Variants in STARD10 observed in about 807,000 individuals in gnomAD.
STARD10 encodes the protein START domain-containing protein 10.
STARD10 carries 24 observed loss-of-function variants against 36.0 expected under a neutral mutation model. The ratio of observed to expected loss-of-function variants is 0.67; its 90% CI spans 0.48 to 0.94. The LOEUF (loss-of-function observed/expected upper bound fraction) is 0.94, where lower values mean the gene tolerates loss of function less well. Ranked by LOEUF, STARD10 falls within the 40% of genes least tolerant of loss-of-function variation. The probability of loss-of-function intolerance (pLI) is 0.00; values close to 1 mark genes in which losing one functional copy is unlikely to be tolerated. For synonymous variants in STARD10, 156 were observed against 161.9 expected, an observed-to-expected ratio of 0.96 and a Z score of 0.28; for missense variants, 335 against 396.6, an observed-to-expected ratio of 0.84 and a Z score of 1.32.
At position 72,754,918 on chromosome 11, in the gene STARD10, G is replaced by A. The variant is rs1244624340; in HGVS notation, c.855C>T (p.Asp285=). The A allele has an allele frequency of 2.5e-6, 4 of 1,600,450 alleles. No homozygotes were observed. The highest frequency in any genetic ancestry group is 2.2e-5 in the South Asian group (2 of 90,656). ...GCGCTCAGGTGAGCGAGGTGTCGTCGTCGCTGCCCTCGCCGCCCGCGCCGC... is the reference window on the plus strand; with the variant it reads ...GCGCTCAGGTGAGCGAGGTGTCGTCATCGCTGCCCTCGCCGCCCGCGCCGC... ...RMGGAGGEGS[D]DDTSLT Residue 285 remains aspartate, a synonymous_variant, in exon 7 of 7, where the codon GAC becomes GAT. Coordinates refer to ENST00000334805, the MANE Select transcript of STARD10 (RefSeq NM_006645.3).
chr11:72,790,754 G>A (rs1272805310), intron 1 of STARD10, among the ~76,000 whole-genome samples: 2 of 152,262 alleles, frequency 1.3e-5, no homozygotes, highest in Non-Finnish European at 2.9e-5. Flanking sequence ...TTGTGGGGAA[G>A]AGAATCATGT....
intron 3 of STARD10, 69 bp from the exon 4 acceptor site, chr11:72,758,702 G>C: frequency 8.7e-7 from 1 of 1,150,728 alleles, no homozygotes; most frequent in Admixed American, 2.0e-5. Context: ...GTGTGGCAGA[G>C]GCCAGAGATG....
intron 1 of STARD10, among the ~76,000 whole-genome samples, chr11:72,783,950 G>A (rs1859039289): frequency 6.6e-6 from 1 of 152,174 alleles, no homozygotes; most frequent in Non-Finnish European, 1.5e-5. Context: ...TTGGATCTTG[G>A]GTCAGTAAAG....
rs778596394 is a variant in STARD10 at position 72,755,045 on chromosome 11, G to A, written c.728C>T (p.Pro243Leu). 4 of 1,613,140 alleles carry A rather than the reference G, an allele frequency of 2.5e-6. No individual in the cohort carries two copies. The highest frequency in any genetic ancestry group is 1.1e-5 in the South Asian group (1 of 90,820). Residue 243 changes from proline to leucine, a missense_variant, in exon 7 of 7, where the codon CCG (proline) becomes CTG (leucine). Pro to Leu is a moderately conservative substitution (Grantham distance 98, BLOSUM62 -3). Transcript: ENST00000334805. ...FKPWLHPEQS[P>L]LPSLALSELS... ...CTCCGACAGCGCCAGGCTCGGCAACGGGCTCTGCTCCGGGTGCAGCCACGG... is the reference window on the plus strand; with the variant it reads ...CTCCGACAGCGCCAGGCTCGGCAACAGGCTCTGCTCCGGGTGCAGCCACGG...
chr11:72,757,690 G>T, intron 5 of STARD10, 77 bp downstream of exon 5: 1 of 1,339,794 alleles, frequency 7.5e-7, no homozygotes, highest in Non-Finnish European at 1.1e-6. Context: ...TGCCCTTCTG[G>T]ATCCCTAGTA....
At chr11:72,778,604 C>T (rs561197828) in intron 2 of STARD10, among the ~76,000 whole-genome samples, 2 of 152,310 alleles carry the variant, frequency 1.3e-5, no homozygotes. Flanking sequence ...CCTCCTCTCC[C>T]CACCCTCTCT....
In STARD10 at chr11:72,771,188, A is replaced by C. The variant is rs538965011; in HGVS notation, c.207+9787T>G. On this transcript the variant is annotated intron_variant, in intron 2 of 6. Transcript: ENST00000334805. ...TCCCTGAGACTATTCCCTCAGAACT[A>C]GGCTCTGTTCTGTGTAGGACCCAAG... Among the ~76,000 whole-genome samples the C allele has an allele frequency of 2.2e-4, 34 of 152,320 alleles. No individual in the cohort carries two copies. In the South Asian group the frequency reaches 2.5e-3, roughly 11 times the overall value.
intron 1 of STARD10, among the ~76,000 whole-genome samples, chr11:72,791,541 A>C (rs572450096): frequency 6.6e-6 from 1 of 152,118 alleles, no homozygotes; most frequent in African/African-American, 2.4e-5. Context: ...GTCTCTACTA[A>C]AAATACAAAA....
chr11:72,771,799 C>CT (rs1858861738), intron 2 of STARD10, among the ~76,000 whole-genome samples: 1 of 152,104 alleles, frequency 6.6e-6, no homozygotes, highest in South Asian at 2.1e-4. Flanking sequence ...CACTTCTATC[C>CT]TGGGGGGGCG....
At chr11:72,769,038 A>C (rs1467943663) in intron 2 of STARD10, among the ~76,000 whole-genome samples, 3 of 151,792 alleles carry the variant, frequency 2.0e-5, no homozygotes, top group African/African-American at 7.3e-5. Context: ...TCTCTATAAC[A>C]CAAGGACAAC....
intron 2 of STARD10, among the ~76,000 whole-genome samples, chr11:72,768,000 C>T (rs975758675): frequency 6.6e-6 from 1 of 152,182 alleles, no homozygotes; most frequent in Non-Finnish European, 1.5e-5. Flanking sequence ...CCACTAACCC[C>T]CAAAGGACAG....
At chr11:72,775,179 C>T (rs1273403838) in intron 2 of STARD10, among the ~76,000 whole-genome samples, 1 of 152,192 alleles carries the variant, frequency 6.6e-6, no homozygotes, top group Non-Finnish European at 1.5e-5. Context: ...CTTCACAGTG[C>T]GCACATCGCA....
chr11:72,773,818 T>C (rs538018942), intron 2 of STARD10, among the ~76,000 whole-genome samples: 1 of 152,358 alleles, frequency 6.6e-6, no homozygotes, highest in East Asian at 1.9e-4. Flanking sequence ...TGTTTGCTTC[T>C]ATTTTGCTCG....
In STARD10 at chr11:72,760,300, C is replaced by A. The variant is rs577579653; in HGVS notation, c.208-919G>T. On this transcript the variant is annotated intron_variant, in intron 2 of 6. Transcript: ENST00000334805. The stretch of plus-strand genomic sequence containing the variant: ...GGAGTACAGTGGCGTGATCTCGGCT[C>A]ACTGCAAGCTCTGCCTTCCGGTTTC... Among the ~76,000 whole-genome samples, 31 of 152,224 alleles carry A rather than the reference C, an allele frequency of 2.0e-4. No homozygotes were observed. In the East Asian group the frequency reaches 6.0e-3, roughly 29 times the overall value.
At chr11:72,756,460 T>C (rs1288932163) in intron 5 of STARD10, among the ~76,000 whole-genome samples, 1 of 152,034 alleles carries the variant, frequency 6.6e-6, no homozygotes, top group African/African-American at 2.4e-5. Flanking sequence ...AGAGAGGAAC[T>C]CACTGGGGGC....
chr11:72,772,576 T>C (rs2135619650), intron 2 of STARD10, among the ~76,000 whole-genome samples: 1 of 152,288 alleles, frequency 6.6e-6, no homozygotes. Context: ...CTCTTCTCTG[T>C]CCTCTGTGGC....
At chr11:72,766,634 T>G (rs1858795270) in intron 2 of STARD10, among the ~76,000 whole-genome samples, 1 of 151,946 alleles carries the variant, frequency 6.6e-6, no homozygotes, top group African/African-American at 2.4e-5. Flanking sequence ...GCCCCCTGAC[T>G]GTGTTCTCTG....
At chr11:72,756,811 C>T (rs1395634703) in intron 5 of STARD10, among the ~76,000 whole-genome samples, 2 of 144,160 alleles carry the variant, frequency 1.4e-5, no homozygotes, top group African/African-American at 5.4e-5. Context: ...AGAGAAATGC[C>T]AGACTCAGGA....
intron 1 of STARD10, among the ~76,000 whole-genome samples, chr11:72,782,735 C>G (rs1180234607): frequency 6.6e-6 from 1 of 152,194 alleles, no homozygotes; most frequent in Non-Finnish European, 1.5e-5. Context: ...GGAGGCTCCC[C>G]CCTGCCCCCT....
Sources: allele counts gnomAD v4.1 joint callset (sites outside exome capture counted in the v4.1 genomes callset), GRCh38; gene constraint gnomAD v4.1.1; transcripts MANE v1.5; gene names NCBI Gene and HGNC (gene_info 2026-07-23, HGNC 2026-07-21).